The following ANKS1A variants were observed in gnomAD, a reference collection of about 807,000 sequenced individuals.
ANKS1A encodes the protein ankyrin repeat and SAM domain-containing protein 1A.
ANKS1A carries 55 observed loss-of-function variants against 120.3 expected under a neutral mutation model. The ratio of observed to expected loss-of-function variants is 0.46; its 90% CI spans 0.37 to 0.57. The LOEUF (loss-of-function observed/expected upper bound fraction) is 0.57. Among genes scored for constraint, ANKS1A ranks in the 20% least tolerant of loss-of-function variants. The pLI is 0.00. For missense variants in ANKS1A, 1,123 were observed against 1,480.3 expected (o/e 0.76, Z 3.96); for synonymous variants, 590 against 604.7 (o/e 0.98, Z 0.36).
intron 9 of ANKS1A, among the ~76,000 whole-genome samples, chr6:34,991,713 CATATATATACATATAT>C (rs1772561114): frequency 6.8e-5 from 3 of 44,150 alleles, no homozygotes; most frequent in African/African-American, 1.2e-4. Context: ...CATATATACA[CATATATATACATATAT>C]ACACATATAT....
downstream of ANKS1A, among the ~76,000 whole-genome samples, chr6:35,093,476 AT>A (rs890512165): frequency 3.3e-5 from 5 of 152,192 alleles, no homozygotes; most frequent in African/African-American, 1.2e-4. Context: ...CCCTGAATCC[AT>A]TTTTTAAAAA....
intron 9 of ANKS1A, among the ~76,000 whole-genome samples, chr6:34,991,663 TATATATACACATATATATAC>T (rs59575328): frequency 0.11 from 9,326 of 84,848 alleles, 760 homozygotes; most frequent in South Asian, 0.19. Context: ...TATATACACA[TATATATACACATATATATAC>T]ATATATACAC....
In ANKS1A at chr6:35,082,592, T is replaced by C. The variant is rs1777744475; in HGVS notation, c.2710-99T>C. 3 of 1,459,416 alleles carry C rather than the reference T, an allele frequency of 2.1e-6. No homozygotes were observed. The highest frequency in any genetic ancestry group is 2.7e-6 in the Non-Finnish European group (3 of 1,098,176). The allele number at this position is 1,459,416 out of a possible 1,614,324, so 90.4% of individuals were successfully genotyped here. A position where few individuals can be genotyped will look rare whatever the true frequency, so the allele number is the denominator to read the frequency against. ...CACTCGACCCTTGAACTTGCTAAGG[T>C]CACTGGCATCTTCACCCTTGAGTGT... On this transcript the variant is annotated intron_variant, in intron 17 of 23. Coordinates refer to ENST00000360359, the MANE Select transcript of ANKS1A (RefSeq NM_015245.3). This position sits in a 1 kb window ranked among gnomAD's most constrained non-coding sequence, Gnocchi z 4.1.
chr6:35,020,807 A>G (rs1397217169), intron 11 of ANKS1A, among the ~76,000 whole-genome samples: 1 of 152,214 alleles, frequency 6.6e-6, no homozygotes, highest in African/African-American at 2.4e-5. Flanking sequence ...CTGTGCAGAT[A>G]AAGGTTGCAG....
chr6:35,096,681 C>T, the ANKS1A span, among the ~76,000 whole-genome samples: 1 of 152,134 alleles, frequency 6.6e-6, no homozygotes, highest in African/African-American at 2.4e-5. Flanking sequence ...AATACCAGTC[C>T]AGACGCCTGA....
At chr6:35,026,779 GACTTTT>G (rs1305487561) in intron 11 of ANKS1A, among the ~76,000 whole-genome samples, 1 of 152,094 alleles carries the variant, frequency 6.6e-6, no homozygotes, top group African/African-American at 2.4e-5. Context: ...CTTATAACTT[GACTTTT>G]ACTTTTAACT....
At chr6:35,067,844 C>T (rs1405466832) in intron 13 of ANKS1A, among the ~76,000 whole-genome samples, 1 of 148,854 alleles carries the variant, frequency 6.7e-6, no homozygotes, top group Non-Finnish European at 1.5e-5. Context: ...AGGTGATAGA[C>T]TTATGGGTAG....
At position 35,089,309 on chromosome 6, in the gene ANKS1A, T is replaced by G; in HGVS notation, c.*700T>G. On this transcript the variant is annotated 3_prime_UTR_variant, in exon 24 of 24. Transcript: ENST00000360359. ...CCGATGGGAAGGTTCAGTGGCCAAA[T>G]GAAGATAAGTGTGCAGTTTCTAGTG... 1 of 987,654 alleles carries G rather than the reference T, an allele frequency of 1.0e-6. No homozygotes were observed. The highest frequency in any genetic ancestry group is 1.2e-6 in the Non-Finnish European group (1 of 831,270). The allele number at this position is 987,654 out of a possible 1,614,324, so 61.2% of individuals were successfully genotyped here. A position where few individuals can be genotyped will look rare whatever the true frequency, so the allele number is the denominator to read the frequency against.
chr6:35,066,696 C>T (rs1776793619), intron 13 of ANKS1A, among the ~76,000 whole-genome samples: 1 of 152,174 alleles, frequency 6.6e-6, no homozygotes, highest in African/African-American at 2.4e-5. Context: ...GAACTGGTAA[C>T]ACTTGACTCT....
chr6:35,092,309 AAAAGAAAATTCACT>A (rs1561976206), downstream of ANKS1A, among the ~76,000 whole-genome samples: 1 of 152,184 alleles, frequency 6.6e-6, no homozygotes, highest in African/African-American at 2.4e-5. Context: ...AGGGCCTTAA[AAAAGAAAATTCACT>A]TATCTAGTTC....
intron 11 of ANKS1A, among the ~76,000 whole-genome samples, chr6:35,026,850 T>C (rs1208136565): frequency 6.6e-6 from 1 of 152,222 alleles, no homozygotes; most frequent in Non-Finnish European, 1.5e-5. Flanking sequence ...TTGGTTTTTT[T>C]CCTTGATTTC....
intron 13 of ANKS1A, among the ~76,000 whole-genome samples, chr6:35,074,106 G>A (rs552416223): frequency 2.6e-5 from 4 of 152,376 alleles, no homozygotes; most frequent in Non-Finnish European, 5.9e-5. Flanking sequence ...GCCTGTCTCC[G>A]GCGGATCTGG....
chr6:34,994,395 G>A lies in ANKS1A; in HGVS notation c.1396G>A (p.Val466Met), dbSNP rs774477706. The change falls in exon 10 of 24, where the codon GTG becomes ATG. Residue 466 changes from valine to methionine, a missense_variant. Physicochemically the swap from Val to Met is conservative, Grantham distance 21. Around this residue, in one of 3 missense-constraint regions of ANKS1A, gnomAD observed 904 missense variants for 1,130.4 expected, o/e 0.80. Coordinates refer to ENST00000360359, the MANE Select transcript of ANKS1A (RefSeq NM_015245.3). ...ELLLTAETKK[V>M]VLVDGKTKDH... ...GTTGTTAACAGCAGAGACAAAGAAA[G>A]TGGTGTTGGTGGATGGAAAAACAAA... The A allele has an allele frequency of 1.2e-6, 2 of 1,612,968 alleles. No homozygotes were observed. The highest frequency in any genetic ancestry group is 2.7e-5 in the African/African-American group (2 of 74,894).
chr6:35,036,413 A>G lies in ANKS1A; in HGVS notation c.2011-17686A>G, dbSNP rs148400234. Among the ~76,000 whole-genome samples, 155 of 152,344 alleles carry G rather than the reference A, an allele frequency of 1.0e-3. 1 individual carries two copies. In the Middle Eastern group the frequency reaches 0.02, roughly 20 times the overall value. Reference sequence around the variant, plus strand: ...AGGTTCCCTAAGTGTGAGTTCTCTCATTACAGGTTAGGAAACTGAGCCCAT... The same window carrying G: ...AGGTTCCCTAAGTGTGAGTTCTCTCGTTACAGGTTAGGAAACTGAGCCCAT... On this transcript the variant is annotated intron_variant, in intron 11 of 23. Coordinates refer to ENST00000360359, the MANE Select transcript of ANKS1A (RefSeq NM_015245.3).
chr6:34,913,456 A>T (rs1051758799), intron 1 of ANKS1A, among the ~76,000 whole-genome samples: 1 of 152,118 alleles, frequency 6.6e-6, no homozygotes, highest in Non-Finnish European at 1.5e-5. Context: ...CATCCTGAGT[A>T]GCTAGGACCA....
chr6:34,922,210 G>A (rs1372289077), intron 1 of ANKS1A, among the ~76,000 whole-genome samples: 1 of 152,102 alleles, frequency 6.6e-6, no homozygotes, highest in Non-Finnish European at 1.5e-5. Context: ...TAAGCACTGT[G>A]TTGATGCTTT....
intron 1 of ANKS1A, among the ~76,000 whole-genome samples, chr6:34,894,176 T>G (rs1236400955): frequency 1.3e-5 from 2 of 152,198 alleles, no homozygotes; most frequent in Non-Finnish European, 2.9e-5. Context: ...ACAGTATTTT[T>G]TAGTTCTGGG....
intron 11 of ANKS1A, among the ~76,000 whole-genome samples, chr6:35,045,443 C>G (rs1178527896): frequency 1.3e-5 from 2 of 152,212 alleles, no homozygotes; most frequent in African/African-American, 2.4e-5. Context: ...AGTTAAATGA[C>G]TTGTCCAAGG....
chr6:34,973,965 G>GCCTTCC (rs1267727221), intron 3 of ANKS1A, among the ~76,000 whole-genome samples: 2 of 16,840 alleles, frequency 1.2e-4, no homozygotes, highest in African/African-American at 7.0e-4. Context: ...CCTTCCCCTT[G>GCCTTCC]CCTTCCCCTT....
Sources: gnomAD v4.1 joint callset for allele counts (sites outside exome capture counted in the v4.1 genomes callset) on GRCh38, gnomAD v4.1.1 for gene constraint, gnomAD v4.1.1 regional missense constraint, Gnocchi (gnomAD v3.1) non-coding constraint, MANE v1.5 for transcripts, NCBI Gene and HGNC (gene_info 2026-07-23, HGNC 2026-07-21) for gene names.